The following SMG1 variants were observed in gnomAD, a reference collection of about 807,000 sequenced individuals.
SMG1 encodes SMG1 nonsense mediated mRNA decay associated PI3K related kinase.
A neutral mutation model predicts 419.9 loss-of-function variants in SMG1; 22 were observed. The observed-to-expected ratio is 0.05, with a 90% confidence interval of 0.04 to 0.07. The LOEUF is 0.07. SMG1 is among the 10% of genes least tolerant of loss of function. SMG1 has a pLI of 1.00. For missense variants in SMG1, 3,185 were observed against 4,342.0 expected, an observed-to-expected ratio of 0.73 and a Z score of 7.49; for synonymous variants, 1,538 against 1,553.5, an observed-to-expected ratio of 0.99 and a Z score of 0.23.
chr16:18,807,686 A>T lies in SMG1; in HGVS notation c.*1883T>A, dbSNP rs187443878. 1.1e-3 allele frequency: 174 copies of T among 152,280 alleles called. No homozygotes were observed. The highest frequency in any genetic ancestry group is 4.0e-3 in the African/African-American group (167 of 41,556). 9.4% of individuals were successfully genotyped at this position (152,280 alleles called of 1,614,324 possible). A position where few individuals can be genotyped will look rare whatever the true frequency, so the allele number is the denominator to read the frequency against. On this transcript the variant is annotated 3_prime_UTR_variant, in exon 63 of 63. Transcript: ENST00000446231. ...ATACCTTTCAAGTTTGTCTGTGAAG[A>T]CGGCAACTAGAAAGTGACCACTGTC...
chr16:18,850,616 G>A, intron 33 of SMG1, 149 bp from the exon 34 acceptor site: 1 of 607,204 alleles, frequency 1.6e-6, no homozygotes, highest in Admixed American at 3.0e-5. Context: ...GTCAATGTCA[G>A]TATGCTTCTC....
Position 18,859,120 on chromosome 16 carries a change from T to C in SMG1, c.4015A>G (p.Thr1339Ala), listed in dbSNP as rs929960341. 30 of 1,530,720 alleles carry C rather than the reference T, an allele frequency of 2.0e-5. No homozygotes were observed. Among genetic ancestry groups the C allele is most frequent in the South Asian group, 3.6e-5 (3 of 83,968 alleles). 94.8% of individuals were successfully genotyped at this position (1,530,720 alleles called of 1,614,324 possible). A position where few individuals can be genotyped will look rare whatever the true frequency, so the allele number is the denominator to read the frequency against. Reference protein sequence around the residue: ...RIAIGPLRLSTLTVSQSLPVL... With the variant: ...RIAIGPLRLSALTVSQSLPVL... ...GGCAAAGACTGTGAAACTGTTAAAG[T>C]AGAAAGTCTCAGAGGTCCAATAGCG... The change falls in exon 28 of 63, where the codon ACT becomes GCT. Residue 1339 changes from threonine to alanine, a missense_variant. Coordinates refer to ENST00000446231, the MANE Select transcript of SMG1 (RefSeq NM_015092.5).
At chr16:18,828,262 G>T in intron 54 of SMG1, 94 bp from the exon 55 acceptor site, 1 of 1,282,876 alleles carries the variant, frequency 7.8e-7, no homozygotes, top group South Asian at 1.5e-5. Flanking sequence ...TGGCGGAAGA[G>T]AAAAAAATCC....
intron 13 of SMG1, chr16:18,875,010 G>C (rs933759762): frequency 5.5e-5 from 8 of 145,848 alleles, no homozygotes; most frequent in Admixed American, 2.8e-4. Flanking sequence ...TTGGATTTGA[G>C]AATACTTGCA....
At chr16:18,832,160 C>T (rs774596593) in intron 51 of SMG1, among the ~76,000 whole-genome samples, 1 of 152,072 alleles carries the variant, frequency 6.6e-6, no homozygotes. Flanking sequence ...GGAAACGGTG[C>T]TACAATTCAT....
Position 18,819,586 on chromosome 16 carries a change from T to G in SMG1, c.9810A>C (p.Ala3270=). The G allele has an allele frequency of 2.5e-6, 4 of 1,598,506 alleles. No individual in the cohort carries two copies. The highest frequency in any genetic ancestry group is 3.4e-6 in the Non-Finnish European group (4 of 1,171,916). The change falls in exon 56 of 63, where the codon GCA becomes GCC. Residue 3270 remains alanine, a synonymous_variant. Transcript: ENST00000446231. ...CAAAATCTTGTAGTACAGGGGCCAA[T>G]GCAGGGTTGGCACCACCTGCCCACT... ...RLKWAGGANP[A]LAPVLQDFEA...
intron 62 of SMG1, among the ~76,000 whole-genome samples, 193 bp downstream of exon 62, chr16:18,811,567 TC>T (rs1162568224): frequency 6.6e-6 from 1 of 152,166 alleles, no homozygotes; most frequent in Non-Finnish European, 1.5e-5. Context: ...AGGAAAGTGC[TC>T]ATAGGGAAGG....
In SMG1 at chr16:18,900,010, T is replaced by C. The variant is rs755331493; in HGVS notation, c.93-3054A>G. The C allele has an allele frequency of 1.2e-5, 18 of 1,530,720 alleles. No individual in the cohort carries two copies. The Admixed American group carries it at 1.2e-4, about 10-fold the overall frequency. The allele number at this position is 1,530,720 out of a possible 1,614,324, so 94.8% of individuals were successfully genotyped here. ...ACCTCAAAAATCGCATACTGTATAA[T>C]ATGGAGCCTTTGTGATGTTTTGCAT... On this transcript the variant is annotated intron_variant, in intron 1 of 62. Transcript: ENST00000446231.
At chr16:18,828,717 T>A (rs1306442355) in intron 54 of SMG1, among the ~76,000 whole-genome samples, 1 of 152,198 alleles carries the variant, frequency 6.6e-6, no homozygotes, top group Non-Finnish European at 1.5e-5. Context: ...ACTATATTTA[T>A]GCCAGGCATG....
At chr16:18,879,101 A>C in intron 11 of SMG1, 1 of 282,118 alleles carries the variant, frequency 3.5e-6, no homozygotes, top group Non-Finnish European at 6.9e-6. Flanking sequence ...AAATAATATA[A>C]TAAAGCAAAG....
chr16:18,879,497 G>A lies in SMG1; in HGVS notation c.1516C>T (p.Leu506=), dbSNP rs1447676698. The A allele has an allele frequency of 1.3e-6, 1 of 797,080 alleles. No homozygotes were observed. The highest frequency in any genetic ancestry group is 2.7e-5 in the East Asian group (1 of 37,712). The allele number at this position is 797,080 out of a possible 1,614,324, so 49.4% of individuals were successfully genotyped here. The change falls in exon 11 of 63, where the codon CTG becomes TTG. Residue 506 remains leucine, a splice_region_variant and synonymous_variant. Coordinates refer to ENST00000446231, the MANE Select transcript of SMG1 (RefSeq NM_015092.5). Reference sequence around the variant, plus strand: ...AAGGAAAAGAATAATTCACATACCAGCGTGAGTAAATTCAAGACTGAGATG... The same window carrying A: ...AAGGAAAAGAATAATTCACATACCAACGTGAGTAAATTCAAGACTGAGATG... ...YIISVLNLLT[L]IVEQINTKLP...
intron 13 of SMG1, among the ~76,000 whole-genome samples, chr16:18,874,783 T>C (rs890690634): frequency 7.5e-6 from 1 of 134,058 alleles, no homozygotes; most frequent in Non-Finnish European, 1.5e-5. Context: ...GGAGAATTGC[T>C]GGAACCCGGG....
At position 18,837,170 on chromosome 16, in the gene SMG1, T is replaced by A. The variant is rs180917997; in HGVS notation, c.7604+83A>T. The A allele has an allele frequency of 6.1e-5, 75 of 1,222,408 alleles. No homozygotes were observed. In the African/African-American group the frequency reaches 1.1e-3, roughly 18 times the overall value. The allele number at this position is 1,222,408 out of a possible 1,614,324, so 75.7% of individuals were successfully genotyped here. A position where few individuals can be genotyped will look rare whatever the true frequency, so the allele number is the denominator to read the frequency against. ...TCATTTATGTGATTTGTTACAATAATTCTAATCCATATTGATGTTTACATG... is the reference window on the plus strand; with the variant it reads ...TCATTTATGTGATTTGTTACAATAAATCTAATCCATATTGATGTTTACATG... On this transcript the variant is annotated intron_variant, in intron 46 of 62. Coordinates refer to ENST00000446231, the MANE Select transcript of SMG1 (RefSeq NM_015092.5).
intron 22 of SMG1, among the ~76,000 whole-genome samples, chr16:18,867,907 ACT>A (rs1354216938): frequency 2.6e-5 from 4 of 151,468 alleles, no homozygotes; most frequent in Non-Finnish European, 4.4e-5. Flanking sequence ...GCGGGGTTTC[ACT>A]GTGTTAGCCA....
chr16:18,873,412 G>C (rs928312756), intron 13 of SMG1, among the ~76,000 whole-genome samples: 1 of 152,034 alleles, frequency 6.6e-6, no homozygotes, highest in African/African-American at 2.4e-5. Flanking sequence ...AGTAGAGATA[G>C]AGTTTCACCA....
At position 18,838,246 on chromosome 16, in the gene SMG1, A is replaced by T; in HGVS notation, c.7195-14T>A. On this transcript the variant is annotated splice_polypyrimidine_tract_variant and intron_variant, in intron 44 of 62. Transcript: ENST00000446231. ...AATGTGTAAAACCTGTTTTCAGGAG[A>T]GTTTTTAAAATAAGGTCTGCCACAA... is the stretch of plus-strand genomic sequence containing the variant. The T allele has an allele frequency of 6.2e-7, 1 of 1,609,080 alleles. No individual in the cohort carries two copies. Among genetic ancestry groups the T allele is most frequent in the Non-Finnish European group, 8.5e-7 (1 of 1,176,934 alleles).
chr16:18,879,285 T>G, intron 11 of SMG1: 1 of 544,678 alleles, frequency 1.8e-6, no homozygotes, highest in South Asian at 2.0e-5. Flanking sequence ...CAAGCTAATT[T>G]TTGACTTTTT....
intron 22 of SMG1, among the ~76,000 whole-genome samples, chr16:18,867,503 G>A (rs1031215029): frequency 8.6e-5 from 13 of 150,526 alleles, no homozygotes; most frequent in Non-Finnish European, 2.9e-5. Context: ...CAGCCTGGGC[G>A]ACAAAGTGAA....
intron 36 of SMG1, 116 bp from the exon 37 acceptor site, chr16:18,848,149 G>T: frequency 1.2e-6 from 1 of 826,874 alleles, no homozygotes; most frequent in Non-Finnish European, 1.9e-6. Flanking sequence ...GAACTCATTT[G>T]CCTTCCAGGC....
Sources: gnomAD v4.1 joint callset for allele counts (sites outside exome capture counted in the v4.1 genomes callset) on GRCh38, gnomAD v4.1.1 for gene constraint, MANE v1.5 for transcripts, NCBI Gene and HGNC (gene_info 2026-07-23, HGNC 2026-07-21) for gene names.